Variants in GAS7 observed in about 807,000 individuals in gnomAD.
The protein encoded by GAS7 is growth arrest-specific protein 7.
In GAS7, 28 loss-of-function variants were observed where a neutral mutation model predicts 71.1. The ratio of observed to expected loss-of-function variants is 0.39; its 90% CI spans 0.29 to 0.54. The LOEUF (loss-of-function observed/expected upper bound fraction) is 0.54. Among genes scored for constraint, GAS7 ranks in the 20% least tolerant of loss-of-function variants. GAS7 has a pLI of 0.62. For synonymous variants in GAS7, 258 were observed against 245.8 expected (o/e 1.05, Z -0.46); for missense variants, 436 against 627.8 (o/e 0.69, Z 3.27).
intron 1 of GAS7, among the ~76,000 whole-genome samples, chr17:10,187,597 G>A (rs750892245): frequency 8.5e-5 from 13 of 152,076 alleles, no homozygotes; most frequent in Non-Finnish European, 1.8e-4. Context: ...TTTTTGTACC[G>A]TATGCTTTTT....
At chr17:10,102,184 G>T (rs1193251028) in intron 1 of GAS7, among the ~76,000 whole-genome samples, 1 of 104,530 alleles carries the variant, frequency 9.6e-6, no homozygotes, top group Non-Finnish European at 1.8e-5. Context: ...GATCTAGAAG[G>T]AAGAAAAGAA....
intron 1 of GAS7, among the ~76,000 whole-genome samples, chr17:10,021,828 ATGTGTGCGTG>A (rs1054624180): frequency 3.3e-5 from 5 of 152,210 alleles, no homozygotes; most frequent in East Asian, 3.8e-4. Flanking sequence ...AACAACGTGC[ATGTGTGCGTG>A]TGTGTGCGTG....
At chr17:10,010,145 CT>C (rs201855947) in intron 2 of GAS7, among the ~76,000 whole-genome samples, 1,740 of 147,852 alleles carry the variant, frequency 0.012, 23 homozygotes, top group South Asian at 0.068. Flanking sequence ...GGTTCTATTT[CT>C]TTTTTTTTTT....
chr17:10,042,761 T>TA (rs140813310), intron 1 of GAS7, among the ~76,000 whole-genome samples: 6,477 of 152,052 alleles, frequency 0.043, 460 homozygotes, highest in African/African-American at 0.15. Flanking sequence ...ACAGCAGGGA[T>TA]AAAAAACAAG....
In GAS7 at chr17:9,936,764, C is replaced by T. The variant is rs76779552; in HGVS notation, c.807-2520G>A. The stretch of plus-strand genomic sequence containing the variant: ...CTGTTCCAACATACAGTTTCAGGTA[C>T]GCCAAATCAAAATGCATGTTGTTTT... On this transcript the variant is annotated intron_variant, in intron 8 of 13. Coordinates refer to ENST00000432992, the MANE Select transcript of GAS7 (RefSeq NM_201433.2). 9.4e-4 allele frequency among the ~76,000 whole-genome samples: 143 copies of T among 152,280 alleles called. 1 individual carries two copies. Among genetic ancestry groups the T allele is most frequent in the African/African-American group, 2.9e-3 (121 of 41,552 alleles).
intron 3 of GAS7, among the ~76,000 whole-genome samples, chr17:9,970,855 C>T (rs375064939): frequency 1.1e-4 from 16 of 152,300 alleles, no homozygotes; most frequent in African/African-American, 3.8e-4. Flanking sequence ...CCGCTACACG[C>T]ACGCTCCTGA....
intron 2 of GAS7, among the ~76,000 whole-genome samples, chr17:10,013,985 A>T (rs1220630004): frequency 6.6e-6 from 1 of 152,158 alleles, no homozygotes; most frequent in East Asian, 1.9e-4. Context: ...ACTGCGCAAC[A>T]GTGGCCAGGC....
At chr17:10,087,150 C>T (rs1003223666) in intron 1 of GAS7, among the ~76,000 whole-genome samples, 1 of 152,344 alleles carries the variant, frequency 6.6e-6, no homozygotes, top group South Asian at 2.1e-4. Flanking sequence ...ATCCACCAGA[C>T]CAGGAGACTG....
chr17:10,173,690 T>C (rs6503291), intron 1 of GAS7, among the ~76,000 whole-genome samples: 75,397 of 150,940 alleles, frequency 0.5, 19,286 homozygotes, highest in East Asian at 0.67. Context: ...ATGGCGTGAA[T>C]GCGGGAGGGG....
chr17:9,957,800 G>A (rs547947530), intron 5 of GAS7, among the ~76,000 whole-genome samples: 8 of 152,204 alleles, frequency 5.3e-5, no homozygotes, highest in East Asian at 3.9e-4. Context: ...AGGCTGAGTC[G>A]TTCTGCCCAG....
Position 10,174,608 on chromosome 17 carries a change from C to T in GAS7, c.183+23600G>A, listed in dbSNP as rs906130833. Among the ~76,000 whole-genome samples the T allele has an allele frequency of 5.1e-4, 77 of 151,962 alleles. 3 individuals are homozygous for T. The highest frequency in any genetic ancestry group is 5.0e-3 in the Admixed American group (76 of 15,254). On this transcript the variant is annotated intron_variant, in intron 1 of 13. Coordinates refer to ENST00000432992, the MANE Select transcript of GAS7 (RefSeq NM_201433.2). The stretch of plus-strand genomic sequence containing the variant: ...TCGGGAGGCCGAGGCAGGAGAATGG[C>T]GTGAACCCAGGAGGCGGAGCTTGCA...
At chr17:10,045,835 T>C (rs11867864) in intron 1 of GAS7, among the ~76,000 whole-genome samples, 17,993 of 152,190 alleles carry the variant, frequency 0.12, 2,620 homozygotes, top group African/African-American at 0.35. Flanking sequence ...TGTGACACCT[T>C]GTTCCATCCA....
chr17:9,962,756 C>T (rs2069548893), intron 4 of GAS7, among the ~76,000 whole-genome samples: 1 of 152,218 alleles, frequency 6.6e-6, no homozygotes, highest in African/African-American at 2.4e-5. Flanking sequence ...TGGCACCTCA[C>T]AGATGACTGA....
At chr17:10,108,302 C>T (rs539431837) in intron 1 of GAS7, among the ~76,000 whole-genome samples, 6 of 152,210 alleles carry the variant, frequency 3.9e-5, no homozygotes, top group Admixed American at 1.3e-4. Flanking sequence ...TTCCACTGGA[C>T]GGGCCAAGGG....
At chr17:10,006,673 T>C (rs1180135178) in intron 2 of GAS7, among the ~76,000 whole-genome samples, 1 of 140,206 alleles carries the variant, frequency 7.1e-6, no homozygotes, top group Non-Finnish European at 1.5e-5. Context: ...GAAAGCAGAG[T>C]GCATGCGTAT....
intron 2 of GAS7, among the ~76,000 whole-genome samples, chr17:10,009,608 A>G (rs1054231077): frequency 2.1e-4 from 32 of 149,382 alleles, no homozygotes; most frequent in African/African-American, 6.9e-4. Context: ...GGAGGCCAAG[A>G]TAGGAGGATT....
At chr17:10,054,825 C>T (rs2073114095) in intron 1 of GAS7, among the ~76,000 whole-genome samples, 1 of 152,132 alleles carries the variant, frequency 6.6e-6, no homozygotes, top group Non-Finnish European at 1.5e-5. Context: ...TGGCCTGCTC[C>T]CACCCACCCG....
intron 12 of GAS7, 50 bp from the exon 13 acceptor site, chr17:9,918,149 G>T: frequency 2.2e-6 from 3 of 1,369,614 alleles, no homozygotes; most frequent in South Asian, 1.2e-5. Context: ...CCCTCCACTT[G>T]GGGGTCCCCC....
chr17:10,037,590 G>A (rs1567561878), intron 1 of GAS7, among the ~76,000 whole-genome samples: 1 of 152,134 alleles, frequency 6.6e-6, no homozygotes, highest in Non-Finnish European at 1.5e-5. Flanking sequence ...ATCGTCTAAG[G>A]ATGGAGTCAG....
Sources: gnomAD v4.1 joint callset for allele counts (sites outside exome capture counted in the v4.1 genomes callset) on GRCh38, gnomAD v4.1.1 for gene constraint, MANE v1.5 for transcripts, NCBI Gene and HGNC (gene_info 2026-07-23, HGNC 2026-07-21) for gene names.